STK33: variants seen among roughly 807,000 people sequenced by gnomAD.
STK33 encodes serine/threonine kinase 33, also known as serine/threonine-protein kinase 33.
STK33 carries 52 observed loss-of-function variants against 58.0 expected under a neutral mutation model. The ratio of observed to expected loss-of-function variants is 0.90; its 90% CI spans 0.72 to 1.13. STK33 has a LOEUF of 1.13. Ranked by LOEUF, STK33 falls within the 50% of genes most tolerant of loss-of-function variation. The pLI is 0.00. For synonymous variants in STK33, 215 were observed against 200.1 expected (o/e 1.07, Z -0.63); for missense variants, 630 against 604.2 (o/e 1.04, Z -0.45).
chr11:8,439,509 T>C (rs913857520), intron 12 of STK33, among the ~76,000 whole-genome samples: 3 of 151,980 alleles, frequency 2.0e-5, no homozygotes, highest in Non-Finnish European at 2.9e-5. Flanking sequence ...CTAATAAATG[T>C]AGGAACTCTG....
intron 15 of STK33, among the ~76,000 whole-genome samples, chr11:8,410,741 G>C (rs987257261): frequency 2.6e-5 from 4 of 151,928 alleles, no homozygotes; most frequent in African/African-American, 9.7e-5. Context: ...CCAAAGTGCT[G>C]GGATTACAGG....
At chr11:8,494,651 A>C (rs180761845) in intron 1 of STK33, among the ~76,000 whole-genome samples, 8,373 of 152,260 alleles carry the variant, frequency 0.055, 300 homozygotes, top group Non-Finnish European at 0.071. Flanking sequence ...AATCCTAAGC[A>C]AAAAGAACAA....
intron 11 of STK33, among the ~76,000 whole-genome samples, chr11:8,441,099 T>C (rs1242819854): frequency 1.3e-5 from 2 of 152,216 alleles, no homozygotes; most frequent in African/African-American, 4.8e-5. Context: ...GAATTAAATA[T>C]ATGCCTTAAG....
chr11:8,583,277 A>C (rs2030770847), intron 1 of STK33, among the ~76,000 whole-genome samples: 1 of 152,184 alleles, frequency 6.6e-6, no homozygotes, highest in Non-Finnish European at 1.5e-5. Context: ...TATCATTTAA[A>C]GGTCTTCACT....
the STK33 span, among the ~76,000 whole-genome samples, chr11:8,342,736 C>T: frequency 4.0e-3 from 615 of 152,334 alleles, 1 homozygote; most frequent in African/African-American, 0.014. Flanking sequence ...GTGACTTGCC[C>T]AAGGTCACAC....
At chr11:8,338,088 C>T in the STK33 span, among the ~76,000 whole-genome samples, 1 of 152,232 alleles carries the variant, frequency 6.6e-6, no homozygotes, top group Non-Finnish European at 1.5e-5. Context: ...GCTTCTGCCC[C>T]TTTTGTTCAC....
chr11:8,347,409 A>G, the STK33 span, among the ~76,000 whole-genome samples: 65 of 152,312 alleles, frequency 4.3e-4, no homozygotes, highest in Admixed American at 3.8e-3. Flanking sequence ...ATTGATAACA[A>G]ACGCTCCCCA....
chr11:8,560,818 T>C (rs1957067636), intron 1 of STK33, among the ~76,000 whole-genome samples: 1 of 152,142 alleles, frequency 6.6e-6, no homozygotes, highest in African/African-American at 2.4e-5. Flanking sequence ...AAGACACAGA[T>C]GAAGATTCTA....
intron 12 of STK33, 104 bp from the exon 13 acceptor site, chr11:8,436,243 A>G (rs1227231227): frequency 1.6e-6 from 1 of 607,962 alleles, no homozygotes; most frequent in African/African-American, 1.9e-5. Context: ...CTTCATATTT[A>G]AGGAAAGGAT....
At chr11:8,455,535 G>A (rs1286617544) in intron 9 of STK33, among the ~76,000 whole-genome samples, 2 of 152,094 alleles carry the variant, frequency 1.3e-5, no homozygotes, top group African/African-American at 2.4e-5. Context: ...ACGGCCAGGC[G>A]CAGTGGCTTG....
At chr11:8,463,692 A>C (rs1947840824) in intron 7 of STK33, among the ~76,000 whole-genome samples, 1 of 152,226 alleles carries the variant, frequency 6.6e-6, no homozygotes, top group South Asian at 2.1e-4. Context: ...TTCACTTCAT[A>C]TACTGACTAT....
At chr11:8,556,764 A>G (rs1274726141) in intron 1 of STK33, among the ~76,000 whole-genome samples, 1 of 152,158 alleles carries the variant, frequency 6.6e-6, no homozygotes, top group East Asian at 1.9e-4. Context: ...GAAAGACTGT[A>G]TTTTTGCTCA....
chr11:8,377,521 A>T, the STK33 span, among the ~76,000 whole-genome samples: 1 of 152,234 alleles, frequency 6.6e-6, no homozygotes, highest in African/African-American at 2.4e-5. Flanking sequence ...CATCATACTG[A>T]ATGGGGAAAA....
intron 1 of STK33, among the ~76,000 whole-genome samples, chr11:8,566,847 A>C (rs1403454515): frequency 6.6e-6 from 1 of 152,234 alleles, no homozygotes; most frequent in Non-Finnish European, 1.5e-5. Flanking sequence ...TAATACAGTT[A>C]TAACTGTCGA....
intron 15 of STK33, among the ~76,000 whole-genome samples, chr11:8,398,806 G>T (rs2135191610): frequency 6.6e-6 from 1 of 151,602 alleles, no homozygotes; most frequent in African/African-American, 2.4e-5. Flanking sequence ...AAAAAAGCAG[G>T]GGTTGCAATC....
At chr11:8,462,910 A>G (rs1947740488) in intron 7 of STK33, among the ~76,000 whole-genome samples, 1 of 152,190 alleles carries the variant, frequency 6.6e-6, no homozygotes, top group South Asian at 2.1e-4. Context: ...TAATAAAAAA[A>G]TCTCCCTGCA....
At chr11:8,528,063 C>G (rs1954206003) in intron 1 of STK33, among the ~76,000 whole-genome samples, 1 of 152,056 alleles carries the variant, frequency 6.6e-6, no homozygotes, top group African/African-American at 2.4e-5. Flanking sequence ...TAGTGTTATA[C>G]ATGGATTTCT....
chr11:8,580,001 T>TGCCTGAGG (rs2029869656), intron 1 of STK33, among the ~76,000 whole-genome samples: 1 of 152,106 alleles, frequency 6.6e-6, no homozygotes, highest in Non-Finnish European at 1.5e-5. Context: ...AAAGGGAACC[T>TGCCTGAGG]TCATACACTG....
At chr11:8,539,884 C>T (rs1955369713) in intron 1 of STK33, among the ~76,000 whole-genome samples, 1 of 152,076 alleles carries the variant, frequency 6.6e-6, no homozygotes, top group Admixed American at 6.5e-5. Context: ...TGATGTATCA[C>T]CCTTCAGTGA....
Sources: gnomAD v4.1 joint callset for allele counts (sites outside exome capture counted in the v4.1 genomes callset) on GRCh38, gnomAD v4.1.1 for gene constraint, MANE v1.5 for transcripts, NCBI Gene and HGNC (gene_info 2026-07-23, HGNC 2026-07-21) for gene names.